Variants in MROH7 observed in about 807,000 individuals in gnomAD.
The protein encoded by MROH7 is maestro heat like repeat family member 7.
MROH7 carries 113 observed loss-of-function variants against 129.2 expected under a neutral mutation model. The ratio of observed to expected loss-of-function variants is 0.87; its 90% CI spans 0.75 to 1.02. MROH7 has a LOEUF of 1.02. Ranked by LOEUF, MROH7 falls within the 50% of genes least tolerant of loss-of-function variation. The pLI is 0.00. For missense variants in MROH7, 1,601 were observed against 1,671.3 expected, an observed-to-expected ratio of 0.96 and a Z score of 0.73; for synonymous variants, 655 against 667.9, an observed-to-expected ratio of 0.98 and a Z score of 0.30.
At chr1:54,706,681 A>C (rs905125439) in intron 22 of MROH7, 144 bp downstream of exon 22, 3 of 635,948 alleles carry the variant, frequency 4.7e-6, no homozygotes, top group Non-Finnish European at 8.3e-6. Flanking sequence ...AGCCATGGTG[A>C]AAGTTAGAAT....
intron 7 of MROH7, among the ~76,000 whole-genome samples, chr1:54,671,211 C>T (rs1380842371): frequency 6.6e-6 from 1 of 151,494 alleles, no homozygotes; most frequent in African/African-American, 2.4e-5. Context: ...CACGGTGAAT[C>T]CCCGTCTCTA....
In MROH7 at chr1:54,682,771, C is replaced by T. The variant is rs750318969; in HGVS notation, c.2497C>T (p.Arg833Trp). ...LKEKPVTKEGRASIVPLAAAS... is the reference protein window; with the variant it reads ...LKEKPVTKEGWASIVPLAAAS... ...GGAGAAGCCCGTCACCAAGGAGGGC[C>T]GGGCTTCCATCGTGCCCCTGGCGGT... The change falls in exon 14 of 24, where the codon CGG becomes TGG. Residue 833 changes from arginine to tryptophan, a missense_variant. Physicochemically the swap from Arg to Trp is moderately radical, Grantham distance 101. Transcript: ENST00000421030. 1.7e-5 allele frequency: 28 copies of T among 1,613,256 alleles called. No individual in the cohort carries two copies. The highest frequency in any genetic ancestry group is 2.2e-5 in the East Asian group (1 of 44,882).
In MROH7 at chr1:54,710,053, G is replaced by A. The variant is rs762728770; in HGVS notation, c.3838G>A (p.Gly1280Arg). The A allele has an allele frequency of 2.5e-6, 4 of 1,614,074 alleles. No homozygotes were observed. Among genetic ancestry groups the A allele is most frequent in the Middle Eastern group, 1.6e-4 (1 of 6,062 alleles). ...CTGGCAGAACTCCTGGCTGCCGCAC[G>A]GGAACTCATGGGTGTGTTACTCAGC... ...SCWQNSWLPH[G>R]NSWVCYSATT... Residue 1280 changes from glycine to arginine, a missense_variant, in exon 24 of 24, where the codon GGG becomes AGG. Gly to Arg is a moderately radical substitution (Grantham distance 125). Transcript: ENST00000421030.
intron 15 of MROH7, among the ~76,000 whole-genome samples, chr1:54,690,505 G>A (rs1025511698): frequency 8.6e-5 from 13 of 150,302 alleles, no homozygotes; most frequent in East Asian, 1.9e-4. Flanking sequence ...GTGCAGTGGC[G>A]CTACCTCAGC....
intron 17 of MROH7, chr1:54,695,782 A>C (rs1645312831): frequency 2.4e-6 from 1 of 420,660 alleles, no homozygotes. Context: ...ATTTGACTCT[A>C]CCCTGCCCTC....
rs1373996150 is a variant in MROH7, at chr1:54,709,007, G to A, written c.3668-7G>A. 9 of 1,613,948 alleles carry A rather than the reference G, an allele frequency of 5.6e-6. No individual in the cohort carries two copies. The highest frequency in any genetic ancestry group is 4.0e-5 in the African/African-American group (3 of 74,938). On this transcript the variant is annotated splice_region_variant and splice_polypyrimidine_tract_variant and intron_variant, in intron 22 of 23. Transcript: ENST00000421030. The stretch of plus-strand genomic sequence containing the variant: ...CAAATGCCCTCACTTCTTGGATTAC[G>A]CTCAAGGGTCCCTGGTCCCCTGCAT...
intron 16 of MROH7, among the ~76,000 whole-genome samples, chr1:54,693,237 TA>T (rs1645267399): frequency 6.6e-6 from 1 of 152,176 alleles, no homozygotes; most frequent in African/African-American, 2.4e-5. Context: ...TACATGATGG[TA>T]AGTGTCAGTT....
At chr1:54,672,842 C>T (rs1644922170) in intron 7 of MROH7, among the ~76,000 whole-genome samples, 1 of 152,080 alleles carries the variant, frequency 6.6e-6, no homozygotes, top group Non-Finnish European at 1.5e-5. Context: ...TGCTGGATCT[C>T]CGCTTCCCTC....
At chr1:54,688,988 A>G (rs1263927880) in intron 15 of MROH7, among the ~76,000 whole-genome samples, 1 of 152,206 alleles carries the variant, frequency 6.6e-6, no homozygotes, top group African/African-American at 2.4e-5. Flanking sequence ...AGAGGCAGAA[A>G]AAGCAGAGGC....
chr1:54,653,332 G>T lies in MROH7; in HGVS notation c.406G>T (p.Ala136Ser), dbSNP rs771891230. The change falls in exon 3 of 24, where the codon GCC becomes TCC. Residue 136 changes from alanine (A) to serine (S), a missense_variant. Transcript: ENST00000421030. ...NPILSPSSTE[A>S]PRLSSGNHPQ... ...CATTCTGAGCCCTAGCTCTACTGAGGCCCCTCGTCTGAGCTCTGGGAACCA... is the reference window on the plus strand; with the variant it reads ...CATTCTGAGCCCTAGCTCTACTGAGTCCCCTCGTCTGAGCTCTGGGAACCA... 6.2e-7 allele frequency: 1 copy of T among 1,614,170 alleles called. No homozygotes were observed. The highest frequency in any genetic ancestry group is 1.1e-5 in the South Asian group (1 of 91,076).
chr1:54,671,114 G>A (rs376563635), intron 7 of MROH7, among the ~76,000 whole-genome samples, 185 bp downstream of exon 7: 48 of 152,260 alleles, frequency 3.2e-4, no homozygotes, highest in South Asian at 1.7e-3. Context: ...CCAGCTGGGC[G>A]CGGTGGCTCA....
chr1:54,706,026 C>T (rs1021688744), intron 21 of MROH7, among the ~76,000 whole-genome samples: 19 of 152,240 alleles, frequency 1.2e-4, no homozygotes, highest in Non-Finnish European at 1.6e-4. Flanking sequence ...TCCTAATGTA[C>T]GAGTAAGCCC....
chr1:54,673,734 C>T lies in MROH7; in HGVS notation c.1729C>T (p.His577Tyr), dbSNP rs1644938113. 2 of 1,614,112 alleles carry T rather than the reference C, an allele frequency of 1.2e-6. No individual in the cohort carries two copies. The highest frequency in any genetic ancestry group is 1.7e-6 in the Non-Finnish European group (2 of 1,179,984). The change falls in exon 9 of 24, where the codon CAT becomes TAT. Residue 577 changes from histidine to tyrosine, a missense_variant. Transcript: ENST00000421030. The stretch of plus-strand genomic sequence containing the variant: ...GCCTTGGATGAACTCTGGGAAGGCC[C>T]ATGAGCGAGCACGGGCTGTGAACAC... ...LGPWMNSGKA[H>Y]ERARAVNTNV...
chr1:54,693,508 G>A (rs555352048), intron 16 of MROH7, among the ~76,000 whole-genome samples: 1 of 152,266 alleles, frequency 6.6e-6, no homozygotes, highest in Non-Finnish European at 1.5e-5. Context: ...TCACTGGTGG[G>A]GCAGGGGTGA....
intron 3 of MROH7, among the ~76,000 whole-genome samples, chr1:54,662,283 C>G (rs1569882909): frequency 6.6e-6 from 1 of 151,946 alleles, no homozygotes; most frequent in Non-Finnish European, 1.5e-5. Flanking sequence ...TGCCTGTAAT[C>G]CCAGCACTTT....
intron 14 of MROH7, among the ~76,000 whole-genome samples, chr1:54,684,166 G>A (rs920000558): frequency 2.0e-5 from 3 of 152,198 alleles, no homozygotes; most frequent in Non-Finnish European, 4.4e-5. Context: ...ATTCAGAAGC[G>A]AGACATTCTG....
At chr1:54,693,342 C>T (rs1445037947) in intron 16 of MROH7, among the ~76,000 whole-genome samples, 5 of 152,044 alleles carry the variant, frequency 3.3e-5, no homozygotes, top group African/African-American at 7.3e-5. Context: ...CCCAGCCACT[C>T]GGGAGGCTGA....
At chr1:54,652,493 A>G (rs1644573266) in intron 2 of MROH7, among the ~76,000 whole-genome samples, 1 of 152,264 alleles carries the variant, frequency 6.6e-6, no homozygotes, top group Admixed American at 6.5e-5. Flanking sequence ...GTCATTGCAA[A>G]GCTCATCTCT....
At chr1:54,686,827 A>G (rs1460238145) in intron 15 of MROH7, among the ~76,000 whole-genome samples, 1 of 152,216 alleles carries the variant, frequency 6.6e-6, no homozygotes, top group Non-Finnish European at 1.5e-5. Flanking sequence ...AATACTCAAA[A>G]GACATTAAAA....
Sources: gnomAD v4.1 joint callset for allele counts (sites outside exome capture counted in the v4.1 genomes callset) on GRCh38, gnomAD v4.1.1 for gene constraint, MANE v1.5 for transcripts, NCBI Gene and HGNC (gene_info 2026-07-23, HGNC 2026-07-21) for gene names.